ZNRF1: variants seen among roughly 807,000 people sequenced by gnomAD.
ZNRF1 encodes E3 ubiquitin-protein ligase ZNRF1.
ZNRF1 carries 3 observed loss-of-function variants against 18.4 expected under a neutral mutation model. The observed-to-expected ratio is 0.16, with a 90% CI of 0.07 to 0.42. The LOEUF is 0.42. Ranked by LOEUF, ZNRF1 falls within the 10% of genes least tolerant of loss-of-function variation. The probability of loss-of-function intolerance (pLI) is 0.99; values close to 1 mark genes in which losing one functional copy is unlikely to be tolerated. For synonymous variants in ZNRF1, 157 were observed against 144.2 expected (o/e 1.09, Z -0.64); for missense variants, 310 against 329.8 (o/e 0.94, Z 0.47).
chr16:75,069,773 C>G, intron 1 of ZNRF1, among the ~76,000 whole-genome samples: 1 of 152,320 alleles, frequency 6.6e-6, no homozygotes, highest in Admixed American at 6.5e-5. Context: ...GATCTTCCCC[C>G]TGGGCCTCGG....
At chr16:75,080,480 C>CT (rs1298870762) in intron 1 of ZNRF1, among the ~76,000 whole-genome samples, 2 of 152,164 alleles carry the variant, frequency 1.3e-5, no homozygotes, top group Non-Finnish European at 2.9e-5. Flanking sequence ...TTCTTTCTTG[C>CT]TGGCAAAAAA....
chr16:75,107,580 C>T (rs986445794), intron 4 of ZNRF1, 153 bp from the exon 5 acceptor site: 1 of 394,232 alleles, frequency 2.5e-6, no homozygotes, highest in Admixed American at 2.7e-5. Context: ...CCTGCCCAGG[C>T]ACATGGCTGC....
chr16:75,064,080 C>G (rs1430989911), intron 1 of ZNRF1, among the ~76,000 whole-genome samples: 1 of 152,036 alleles, frequency 6.6e-6, no homozygotes, highest in Non-Finnish European at 1.5e-5. Flanking sequence ...AGGCGGATCA[C>G]TTGAGCTCAG....
rs1253499255 is a variant in ZNRF1, at chr16:74,999,894, G to A, written c.223G>A (p.Ala75Thr). Residue 75 changes from alanine (A) to threonine (T), a missense_variant, in exon 1 of 5, where the codon GCC (alanine) becomes ACC (threonine). By Grantham distance (58) the Ala-to-Thr change is moderately conservative. Around this residue, in one of 2 missense-constraint regions of ZNRF1, gnomAD observed 293 missense variants for 291.2 expected, o/e 1.01. Coordinates refer to ENST00000335325, the MANE Select transcript of ZNRF1 (RefSeq NM_032268.5). ...GGTGCCCTTTGGCCTCTACACCCCC[G>A]CCTCCCGGGGCACCGGCGACTCCGA... ...GGVPFGLYTPASRGTGDSERA... is the reference protein window; with the variant it reads ...GGVPFGLYTPTSRGTGDSERA... 2.6e-6 allele frequency: 4 copies of A among 1,541,660 alleles called. No homozygotes were observed. The highest frequency in any genetic ancestry group is 2.7e-5 in the African/African-American group (2 of 73,066).
At chr16:75,066,501 A>G (rs2035805967) in intron 1 of ZNRF1, among the ~76,000 whole-genome samples, 1 of 152,208 alleles carries the variant, frequency 6.6e-6, no homozygotes, top group Non-Finnish European at 1.5e-5. Context: ...AGCAAACATT[A>G]TATTCAATGG....
At chr16:75,013,681 A>G (rs542894131) in intron 1 of ZNRF1, among the ~76,000 whole-genome samples, 1 of 152,228 alleles carries the variant, frequency 6.6e-6, no homozygotes, top group South Asian at 2.1e-4. Context: ...CTGAAGTTTT[A>G]GTCCTGCGGT....
At chr16:75,052,077 G>A (rs544238305) in intron 1 of ZNRF1, among the ~76,000 whole-genome samples, 1 of 152,124 alleles carries the variant, frequency 6.6e-6, no homozygotes, top group African/African-American at 2.4e-5. Flanking sequence ...ACAAGTACAT[G>A]CATCAGCAAA....
intron 1 of ZNRF1, among the ~76,000 whole-genome samples, chr16:75,091,090 G>A (rs933966482): frequency 1.3e-5 from 2 of 152,028 alleles, no homozygotes; most frequent in African/African-American, 4.8e-5. Flanking sequence ...AATGTTGGGT[G>A]ACTGATGCCT....
intron 1 of ZNRF1, among the ~76,000 whole-genome samples, chr16:75,073,865 A>G (rs1367814535): frequency 2.0e-5 from 3 of 152,148 alleles, no homozygotes; most frequent in Non-Finnish European, 4.4e-5. Context: ...TTGCCGGATC[A>G]TAGACTAGGG....
intron 1 of ZNRF1, among the ~76,000 whole-genome samples, chr16:75,015,868 G>C (rs2035059103): frequency 6.6e-6 from 1 of 151,942 alleles, no homozygotes; most frequent in South Asian, 2.1e-4. Context: ...TCTCTCAGCA[G>C]CATTTGAGGA....
At chr16:75,050,904 A>AAAC (rs1567478947) in intron 1 of ZNRF1, among the ~76,000 whole-genome samples, 25 of 128,536 alleles carry the variant, frequency 1.9e-4, no homozygotes, top group African/African-American at 7.2e-4. Context: ...AAAAACAAAA[A>AAAC]ACTTGTAGCC....
At position 75,073,146 on chromosome 16, in the gene ZNRF1, C is replaced by CTCTCTCTCTCTCTCTCTCTG. The variant is rs146902791; in HGVS notation, c.425-20419_425-20418insCTCTCTCTCTCTGTCTCTCT. The stretch of plus-strand genomic sequence containing the variant: ...TCTCTCTCTCTCTCTCTCTCTCTCT[C>CTCTCTCTCTCTCTCTCTCTG]TCTCTCTGTCTCTCTGTCTATATAT... On this transcript the variant is annotated intron_variant, in intron 1 of 4. Coordinates refer to ENST00000335325, the MANE Select transcript of ZNRF1 (RefSeq NM_032268.5). Among the ~76,000 whole-genome samples the CTCTCTCTCTCTCTCTCTCTG allele has an allele frequency of 1.4e-3, 184 of 128,716 alleles. 2 individuals are homozygous for CTCTCTCTCTCTCTCTCTCTG. The highest frequency in any genetic ancestry group is 7.0e-3 in the Admixed American group (86 of 12,356). The allele number at this position is 128,716 out of a possible 152,430, so 84.4% of individuals were successfully genotyped here.
intron 1 of ZNRF1, among the ~76,000 whole-genome samples, chr16:75,053,566 T>C (rs1366377347): frequency 1.4e-5 from 2 of 141,890 alleles, no homozygotes; most frequent in African/African-American, 2.7e-5. Context: ...TCCAGCCTTC[T>C]GTGACAGAGC....
At position 75,064,115 on chromosome 16, in the gene ZNRF1, A is replaced by G. The variant is rs527896139; in HGVS notation, c.425-29457A>G. ...GGAGTTTGAGACCAGCCTGGGGAACATGGTGAAACCCCATCTCTACCAAAA... is the reference window on the plus strand; with the variant it reads ...GGAGTTTGAGACCAGCCTGGGGAACGTGGTGAAACCCCATCTCTACCAAAA... On this transcript the variant is annotated intron_variant, in intron 1 of 4. Coordinates refer to ENST00000335325, the MANE Select transcript of ZNRF1 (RefSeq NM_032268.5). Among the ~76,000 whole-genome samples, 20 of 152,076 alleles carry G rather than the reference A, an allele frequency of 1.3e-4. No homozygotes were observed. The East Asian group carries it at 3.7e-3, about 28-fold the overall frequency.
chr16:75,081,273 A>C (rs953117010), intron 1 of ZNRF1, among the ~76,000 whole-genome samples: 4 of 152,202 alleles, frequency 2.6e-5, no homozygotes, highest in Admixed American at 2.0e-4. Context: ...CTGTTTTTCT[A>C]GGAAGGTCTT....
intron 1 of ZNRF1, among the ~76,000 whole-genome samples, chr16:75,077,588 G>A (rs892975205): frequency 6.6e-6 from 1 of 152,124 alleles, no homozygotes; most frequent in African/African-American, 2.4e-5. Flanking sequence ...TCTCTTAGAA[G>A]GTTTTACATT....
At chr16:75,094,947 C>T (rs1040895002) in intron 2 of ZNRF1, among the ~76,000 whole-genome samples, 4 of 152,138 alleles carry the variant, frequency 2.6e-5, no homozygotes, top group African/African-American at 7.2e-5. Context: ...GACTGGATCA[C>T]GCAACCAGCC....
At chr16:75,063,581 A>G (rs1342915342) in intron 1 of ZNRF1, among the ~76,000 whole-genome samples, 1 of 152,220 alleles carries the variant, frequency 6.6e-6, no homozygotes. Flanking sequence ...AAAGACCTTG[A>G]TCTACTCTTA....
At chr16:75,030,517 A>T (rs1296497620) in intron 1 of ZNRF1, among the ~76,000 whole-genome samples, 1 of 152,202 alleles carries the variant, frequency 6.6e-6, no homozygotes, top group South Asian at 2.1e-4. Flanking sequence ...AATCTTACTG[A>T]CCTTGCATTG....
Sources: gnomAD v4.1 joint callset for allele counts (sites outside exome capture counted in the v4.1 genomes callset) on GRCh38, gnomAD v4.1.1 for gene constraint, gnomAD v4.1.1 regional missense constraint, MANE v1.5 for transcripts, NCBI Gene and HGNC (gene_info 2026-07-23, HGNC 2026-07-21) for gene names.